TTC29: variants seen among roughly 807,000 people sequenced by gnomAD.
The protein encoded by TTC29 is tetratricopeptide repeat protein 29.
Under a neutral mutation model 58.1 loss-of-function variants are expected in TTC29, and 49 were observed. The observed-to-expected ratio is 0.84, with a 90% CI of 0.67 to 1.07. The LOEUF is 1.07. Ranked by LOEUF, TTC29 falls within the 50% of genes least tolerant of loss-of-function variation. The probability of loss-of-function intolerance (pLI) is 0.00; values close to 1 mark genes in which losing one functional copy is unlikely to be tolerated. For synonymous variants in TTC29, 209 were observed against 196.8 expected (o/e 1.06, Z -0.52); for missense variants, 582 against 555.6 (o/e 1.05, Z -0.48).
chr4:146,944,651 C>G (rs1736753061), intron 2 of TTC29, among the ~76,000 whole-genome samples: 1 of 152,048 alleles, frequency 6.6e-6, no homozygotes, highest in African/African-American at 2.4e-5. Flanking sequence ...GCCAGTAAAC[C>G]ACAGTAAGCA....
In TTC29 at chr4:146,937,617, T is replaced by C. The variant is rs373536065; in HGVS notation, c.153A>G (p.Gly51=). 6.5e-7 allele frequency: 1 copy of C among 1,535,922 alleles called. No individual in the cohort carries two copies. Among genetic ancestry groups the C allele is most frequent in the Non-Finnish European group, 8.8e-7 (1 of 1,137,192 alleles). Residue 51 remains glycine, a synonymous_variant, in exon 4 of 13, where the codon GGA becomes GGG. Transcript: ENST00000325106. ...ACGCAGCAACTTCCTCTTTTGATAATCCTTTGAAATTTACCTCTAGATAAT... is the reference window on the plus strand; with the variant it reads ...ACGCAGCAACTTCCTCTTTTGATAACCCTTTGAAATTTACCTCTAGATAAT... The part of the protein sequence containing the change: ...IDHYLEVNFK[G]LSKEEVAAYR...
intron 11 of TTC29, among the ~76,000 whole-genome samples, chr4:146,754,318 T>C (rs945763563): frequency 6.6e-6 from 1 of 152,014 alleles, no homozygotes; most frequent in Admixed American, 6.6e-5. Context: ...GATTTGGATA[T>C]CTTTTAAACA....
At chr4:146,931,294 T>C (rs1580007268) in intron 4 of TTC29, among the ~76,000 whole-genome samples, 1 of 152,286 alleles carries the variant, frequency 6.6e-6, no homozygotes. Context: ...AAGATATAAC[T>C]ATACATAAAG....
At chr4:146,712,005 C>CAATA (rs541582442) in intron 11 of TTC29, among the ~76,000 whole-genome samples, 91 of 151,758 alleles carry the variant, frequency 6.0e-4, no homozygotes, top group Middle Eastern at 3.4e-3. Context: ...AAATCCCTTC[C>CAATA]AATAAATAAA....
chr4:146,721,751 T>A (rs545232588), intron 11 of TTC29, among the ~76,000 whole-genome samples: 2 of 152,048 alleles, frequency 1.3e-5, no homozygotes, highest in Non-Finnish European at 2.9e-5. Flanking sequence ...AACAGCAAGA[T>A]CTATGGACAA....
chr4:146,816,143 C>T (rs1364593642), intron 10 of TTC29, among the ~76,000 whole-genome samples: 1 of 150,914 alleles, frequency 6.6e-6, no homozygotes, highest in African/African-American at 2.5e-5. Flanking sequence ...TTCATCAGTT[C>T]ATCCCTATTC....
intron 8 of TTC29, among the ~76,000 whole-genome samples, chr4:146,852,558 C>T (rs1286893196): frequency 6.6e-6 from 1 of 152,358 alleles, no homozygotes; most frequent in East Asian, 1.9e-4. Context: ...TGGCTGCATG[C>T]ATTTGGCTGC....
rs770253214 is a variant in TTC29, at chr4:146,809,230, A to G, written c.1102-5545T>C. Among the ~76,000 whole-genome samples the G allele has an allele frequency of 2.8e-4, 42 of 150,166 alleles. 3 individuals are homozygous for G. In the East Asian group the frequency reaches 4.9e-3, roughly 18 times the overall value. ...TCCCTTCCTTACACCTTATACAAAA[A>G]TTAACTCAAGATGGATTAAAAACTT... On this transcript the variant is annotated intron_variant, in intron 10 of 12. Coordinates refer to ENST00000325106, the MANE Select transcript of TTC29 (RefSeq NM_031956.4).
intron 9 of TTC29, among the ~76,000 whole-genome samples, chr4:146,829,914 T>A (rs185567666): frequency 2.0e-5 from 3 of 152,290 alleles, no homozygotes; most frequent in African/African-American, 7.2e-5. Flanking sequence ...TGGAAAGTTG[T>A]GGCATTTCTG....
intron 4 of TTC29, among the ~76,000 whole-genome samples, chr4:146,914,360 C>G (rs921263420): frequency 5.3e-5 from 8 of 152,064 alleles, no homozygotes; most frequent in Non-Finnish European, 8.8e-5. Flanking sequence ...TTTCATTTGG[C>G]CATAAACTTT....
intron 11 of TTC29, among the ~76,000 whole-genome samples, chr4:146,764,353 C>T (rs927788180): frequency 6.6e-6 from 1 of 151,840 alleles, no homozygotes; most frequent in Non-Finnish European, 1.5e-5. Flanking sequence ...AGGGGCTACT[C>T]GAGAGAGATG....
chr4:146,838,569 G>A (rs112600454), intron 8 of TTC29, among the ~76,000 whole-genome samples: 1 of 152,078 alleles, frequency 6.6e-6, no homozygotes, highest in African/African-American at 2.4e-5. Context: ...CAAGCACCCA[G>A]TTGTCTTTTT....
chr4:146,730,406 A>G (rs966002797), intron 11 of TTC29, among the ~76,000 whole-genome samples: 3 of 152,194 alleles, frequency 2.0e-5, no homozygotes, highest in African/African-American at 7.2e-5. Context: ...TGAGGAATTC[A>G]AGAGAAAGCT....
chr4:146,731,476 T>C (rs1311833893), intron 11 of TTC29, among the ~76,000 whole-genome samples: 2 of 151,978 alleles, frequency 1.3e-5, no homozygotes, highest in Non-Finnish European at 2.9e-5. Flanking sequence ...ATTGTAAGAG[T>C]GCAAACAGAC....
chr4:146,879,868 G>T (rs1731508937), intron 6 of TTC29, among the ~76,000 whole-genome samples: 1 of 152,096 alleles, frequency 6.6e-6, no homozygotes. Context: ...GAAGGCCTGG[G>T]GACTATTCAC....
chr4:146,707,494 T>C lies in TTC29; in HGVS notation c.1388A>G (p.Glu463Gly). Residue 463 changes from glutamate (E) to glycine (G), a missense_variant, in exon 12 of 13, where the codon GAA becomes GGA. Physicochemically the swap from Glu to Gly is moderately conservative, Grantham distance 98. Coordinates refer to ENST00000325106, the MANE Select transcript of TTC29 (RefSeq NM_031956.4). Reference sequence around the variant, plus strand: ...ACTTGATTTATCATACCTACTGAGTTCTTCCAAACGTTCTGAGTTTTGAGA... The same window carrying C: ...ACTTGATTTATCATACCTACTGAGTCCTTCCAAACGTTCTGAGTTTTGAGA... ...AVSQNSERLEELSRFPGDQKN... is the reference protein window; with the variant it reads ...AVSQNSERLEGLSRFPGDQKN... 6.2e-7 allele frequency: 1 copy of C among 1,610,298 alleles called. No individual in the cohort carries two copies. The highest frequency in any genetic ancestry group is 8.5e-7 in the Non-Finnish European group (1 of 1,178,218).
At chr4:146,886,879 A>C (rs1165321364) in intron 6 of TTC29, among the ~76,000 whole-genome samples, 1 of 152,164 alleles carries the variant, frequency 6.6e-6, no homozygotes, top group Non-Finnish European at 1.5e-5. Context: ...AATTTTATTC[A>C]GCCTTAAAAA....
At chr4:146,926,901 C>T (rs984989689) in intron 4 of TTC29, among the ~76,000 whole-genome samples, 2 of 151,850 alleles carry the variant, frequency 1.3e-5, no homozygotes, top group Admixed American at 6.6e-5. Context: ...CAGTCTAGAG[C>T]AGAGTTCATT....
At chr4:146,876,355 C>T (rs972207167) in intron 6 of TTC29, among the ~76,000 whole-genome samples, 2 of 152,152 alleles carry the variant, frequency 1.3e-5, no homozygotes, top group Admixed American at 6.6e-5. Flanking sequence ...ATAACTTACT[C>T]TTCCCACAAA....
Sources: gnomAD v4.1 joint callset for allele counts (sites outside exome capture counted in the v4.1 genomes callset) on GRCh38, gnomAD v4.1.1 for gene constraint, MANE v1.5 for transcripts, NCBI Gene and HGNC (gene_info 2026-07-23, HGNC 2026-07-21) for gene names.